Variants in TRIM62 observed in about 807,000 individuals in gnomAD.
The protein encoded by TRIM62 is tripartite motif containing 62.
A neutral mutation model predicts 44.2 loss-of-function variants in TRIM62; 39 were observed. That is an observed-to-expected ratio of 0.88 (90% CI 0.68 to 1.15). The LOEUF is 1.15. Ranked by LOEUF, TRIM62 falls within the 50% of genes most tolerant of loss-of-function variation. The probability of loss-of-function intolerance (pLI) is 0.00; values close to 1 mark genes in which losing one functional copy is unlikely to be tolerated. For missense variants in TRIM62, 544 were observed against 665.5 expected (o/e 0.82, Z 2.01); for synonymous variants, 278 against 292.3 (o/e 0.95, Z 0.50).
intron 4 of TRIM62, among the ~76,000 whole-genome samples, chr1:33,149,594 A>G (rs982998638): frequency 2.0e-5 from 3 of 151,796 alleles, no homozygotes; most frequent in Admixed American, 2.0e-4. Context: ...AGCTGAGACT[A>G]TAGGCATGCA....
chr1:33,173,437 GTA>G (rs1340295370), intron 1 of TRIM62, among the ~76,000 whole-genome samples: 1 of 152,148 alleles, frequency 6.6e-6, no homozygotes, highest in East Asian at 1.9e-4. Flanking sequence ...GTGTATGTGT[GTA>G]TGTGTGTGTG....
intron 1 of TRIM62, 136 bp downstream of exon 1, chr1:33,180,889 C>T (rs1435406199): frequency 1.6e-6 from 1 of 607,754 alleles, no homozygotes; most frequent in South Asian, 2.0e-5. Context: ...CTGATAGGGC[C>T]CTGACCTTGC....
rs1210452038 is a variant in TRIM62, at chr1:33,160,013, A to G, written c.505-69T>C. ...GGGGTGATCTCTGGGTGAGAGGAGG[A>G]AATCGAGAGCCTTGACACACAGAGA... On this transcript the variant is annotated intron_variant, in intron 2 of 4. Transcript: ENST00000291416. The G allele has an allele frequency of 3.2e-6, 5 of 1,562,170 alleles. No homozygotes were observed. The African/African-American group carries it at 6.8e-5, about 21-fold the overall frequency.
intron 1 of TRIM62, among the ~76,000 whole-genome samples, chr1:33,171,379 G>A (rs910242661): frequency 2.6e-5 from 4 of 152,126 alleles, no homozygotes; most frequent in Non-Finnish European, 4.4e-5. Context: ...TCTTTATTGC[G>A]TCCATCTCAC....
chr1:33,181,015 G>A lies in TRIM62; in HGVS notation c.408+10C>T. The A allele has an allele frequency of 6.3e-7, 1 of 1,578,352 alleles. No homozygotes were observed. The highest frequency in any genetic ancestry group is 8.5e-7 in the Non-Finnish European group (1 of 1,170,654). ...CCCCGCCCCTTCCCCAGGCAGGCCG[G>A]GTAGCGCACCTGCAGCTCGTCGAAG... On this transcript the variant is annotated intron_variant, in intron 1 of 4. Transcript: ENST00000291416. The surrounding 1 kb of genome is among the most constrained non-coding windows in gnomAD (Gnocchi z 6.5).
chr1:33,148,611 AATATTTT>A (rs1645051860), intron 4 of TRIM62, among the ~76,000 whole-genome samples: 2 of 152,332 alleles, frequency 1.3e-5, no homozygotes, highest in South Asian at 4.1e-4. Context: ...TGACATACAA[AATATTTT>A]ATTATTAATA....
chr1:33,155,147 T>C (rs1645160627), intron 4 of TRIM62, among the ~76,000 whole-genome samples: 1 of 148,994 alleles, frequency 6.7e-6, no homozygotes, highest in African/African-American at 2.5e-5. Context: ...TCTCGGCTCA[T>C]TGCAGCCTTC....
At chr1:33,169,531 C>G (rs1222597064) in intron 1 of TRIM62, among the ~76,000 whole-genome samples, 1 of 152,148 alleles carries the variant, frequency 6.6e-6, no homozygotes, top group East Asian at 1.9e-4. Context: ...ATGCTTCCCC[C>G]TCTCACTCTC....
intron 1 of TRIM62, among the ~76,000 whole-genome samples, chr1:33,169,869 T>G (rs969089614): frequency 1.3e-5 from 2 of 152,230 alleles, no homozygotes; most frequent in Non-Finnish European, 2.9e-5. Context: ...GCAGACACAC[T>G]GAGCAGCTCG....
intron 1 of TRIM62, among the ~76,000 whole-genome samples, chr1:33,174,977 A>ATT (rs1557762494): frequency 2.9e-4 from 40 of 136,332 alleles, no homozygotes; most frequent in African/African-American, 1.1e-3. Flanking sequence ...ATACACACAT[A>ATT]TACATATATA....
At chr1:33,155,182 C>G (rs1645161282) in intron 4 of TRIM62, among the ~76,000 whole-genome samples, 1 of 151,222 alleles carries the variant, frequency 6.6e-6, no homozygotes. Flanking sequence ...AGCCATTCTC[C>G]CACCTCAGCC....
At position 33,152,307 on chromosome 1, in the gene TRIM62, C is replaced by T. The variant is rs189562238; in HGVS notation, c.878-4580G>A. Among the ~76,000 whole-genome samples, 20 of 152,248 alleles carry T rather than the reference C, an allele frequency of 1.3e-4. No individual in the cohort carries two copies. In the East Asian group the frequency reaches 3.7e-3, roughly 28 times the overall value. Reference sequence around the variant, plus strand: ...GAGGCTGGGCTTGGTGGCTCACGCCCGTAATTCCAGCACTTTGGGAGGCCG... The same window carrying T: ...GAGGCTGGGCTTGGTGGCTCACGCCTGTAATTCCAGCACTTTGGGAGGCCG... On this transcript the variant is annotated intron_variant, in intron 4 of 4. Transcript: ENST00000291416.
At chr1:33,155,142 G>A (rs1162885694) in intron 4 of TRIM62, among the ~76,000 whole-genome samples, 5 of 149,194 alleles carry the variant, frequency 3.4e-5, no homozygotes, top group African/African-American at 9.8e-5. Context: ...CGCGATCTCG[G>A]CTCATTGCAG....
chr1:33,147,805 A>G lies in TRIM62; in HGVS notation c.878-78T>C. 2.6e-6 allele frequency: 4 copies of G among 1,522,610 alleles called. No homozygotes were observed. Among genetic ancestry groups the G allele is most frequent in the Middle Eastern group, 2.2e-4 (1 of 4,564 alleles). 94.3% of individuals were successfully genotyped at this position (1,522,610 alleles called of 1,614,324 possible). ...CACCATGCAGTGCCTTCCTGAGGGC[A>G]GAGTTCTGGTTGGTACGCAGGAGGC... On this transcript the variant is annotated intron_variant, in intron 4 of 4. Coordinates refer to ENST00000291416, the MANE Select transcript of TRIM62 (RefSeq NM_018207.3). The surrounding 1 kb of genome is among the most constrained non-coding windows in gnomAD (Gnocchi z 8.1).
Position 33,165,894 on chromosome 1 carries a change from G to T in TRIM62, c.409-328C>A. ...ATCCCCGCTTAGAATTAAGGCAGGG[G>T]TCTCCAACCCCCAGGCCACAGGTGG... On this transcript the variant is annotated intron_variant, in intron 1 of 4. Coordinates refer to ENST00000291416, the MANE Select transcript of TRIM62 (RefSeq NM_018207.3). This position sits in a 1 kb window ranked among gnomAD's most constrained non-coding sequence, Gnocchi z 4.0. 1 of 199,452 alleles carries T rather than the reference G, an allele frequency of 5.0e-6. No homozygotes were observed. The highest frequency in any genetic ancestry group is 1.0e-5 in the Non-Finnish European group (1 of 98,868). 12.4% of individuals were successfully genotyped at this position (199,452 alleles called of 1,614,324 possible).
Position 33,181,084 on chromosome 1 carries a change from G to T in TRIM62, c.349C>A (p.Pro117Thr). The T allele has an allele frequency of 1.3e-6, 2 of 1,599,740 alleles. No homozygotes were observed. The highest frequency in any genetic ancestry group is 1.7e-6 in the Non-Finnish European group (2 of 1,178,814). Reference sequence around the variant, plus strand: ...ACCTGATGCTGCTCGTGCAGTGCAGGCTCGTCGCAGAAGAAGCAGAGAAGC... The same window carrying T: ...ACCTGATGCTGCTCGTGCAGTGCAGTCTCGTCGCAGAAGAAGCAGAGAAGC... ...RALLCFFCDE[P>T]ALHEQHQVTG... Residue 117 changes from proline (P) to threonine (T), a missense_variant, in exon 1 of 5, where the codon CCT (proline) becomes ACT (threonine). Physicochemically the swap from Pro to Thr is conservative, Grantham distance 38 (BLOSUM62 -1). Coordinates refer to ENST00000291416, the MANE Select transcript of TRIM62 (RefSeq NM_018207.3). This position sits in a 1 kb window ranked among gnomAD's most constrained non-coding sequence, Gnocchi z 6.5.
chr1:33,181,120 T>A lies in TRIM62; in HGVS notation c.313A>T (p.Thr105Ser). The A allele has an allele frequency of 2.5e-6, 4 of 1,600,562 alleles. No individual in the cohort carries two copies. Among genetic ancestry groups the A allele is most frequent in the Non-Finnish European group, 2.5e-6 (3 of 1,178,818 alleles). ...AAGAAGCAGAGAAGCGCGCGGTCCG[T>A]GAGGCAGAAGAGCTTGACCTTGTCG... ...AHDKVKLFCL[T>S]DRALLCFFCD... Residue 105 changes from threonine (T) to serine (S), a missense_variant, in exon 1 of 5, where the codon ACG becomes TCG. Thr to Ser is a moderately conservative substitution (Grantham distance 58). Coordinates refer to ENST00000291416, the MANE Select transcript of TRIM62 (RefSeq NM_018207.3). The surrounding 1 kb of genome is among the most constrained non-coding windows in gnomAD (Gnocchi z 6.5).
rs779533684 is a variant in TRIM62 at position 33,147,647 on chromosome 1, C to T, written c.958G>A (p.Gly320Ser). 1.3e-5 allele frequency: 21 copies of T among 1,613,800 alleles called. No homozygotes were observed. Among genetic ancestry groups the T allele is most frequent in the South Asian group, 2.2e-5 (2 of 91,088 alleles). The change falls in exon 5 of 5, where the codon GGC becomes AGC. Residue 320 changes from glycine to serine, a missense_variant. Physicochemically the swap from Gly to Ser is moderately conservative, Grantham distance 56 (BLOSUM62 0). Coordinates refer to ENST00000291416, the MANE Select transcript of TRIM62 (RefSeq NM_018207.3). This position sits in a 1 kb window ranked among gnomAD's most constrained non-coding sequence, Gnocchi z 8.1. ...TGCAGTGGCTGTGGGTGCAAGTTGC[C>T]GTAAGCCACAATGGTGCAGTCGTCC... ...LSDDCTIVAY[G>S]NLHPQPLQDS...
rs1645015452 is a variant in TRIM62 at position 33,145,851 on chromosome 1, A to T, written c.*1326T>A. The T allele has an allele frequency of 2.1e-6, 1 of 470,826 alleles. No individual in the cohort carries two copies. Among genetic ancestry groups the T allele is most frequent in the East Asian group, 6.9e-5 (1 of 14,400 alleles). The allele number at this position is 470,826 out of a possible 1,614,324, so 29.2% of individuals were successfully genotyped here. On this transcript the variant is annotated 3_prime_UTR_variant, in exon 5 of 5. Coordinates refer to ENST00000291416, the MANE Select transcript of TRIM62 (RefSeq NM_018207.3). Reference sequence around the variant, plus strand: ...GGTGGGGCTTGCTCCACCCACCCTAACTTCCTTCTAGGGAAATGACATTTC... The same window carrying T: ...GGTGGGGCTTGCTCCACCCACCCTATCTTCCTTCTAGGGAAATGACATTTC...
Sources: allele counts gnomAD v4.1 joint callset (sites outside exome capture counted in the v4.1 genomes callset), GRCh38; gene constraint gnomAD v4.1.1; non-coding constraint Gnocchi (gnomAD v3.1); transcripts MANE v1.5; gene names NCBI Gene and HGNC (gene_info 2026-07-23, HGNC 2026-07-21).